Variants in ATRNL1 observed in about 807,000 individuals in gnomAD.
ATRNL1 encodes the protein attractin like 1, also known as attractin-like protein 1.
In ATRNL1, 95 loss-of-function variants were observed where a neutral mutation model predicts 182.7. That is an observed-to-expected ratio of 0.52 (90% CI 0.44 to 0.62). ATRNL1 has a LOEUF of 0.62. Among genes scored for constraint, ATRNL1 ranks in the 20% least tolerant of loss-of-function variants. The pLI, the probability that ATRNL1 is intolerant of heterozygous loss-of-function variation, is 0.00. For missense variants in ATRNL1, 1,471 were observed against 1,679.5 expected, an observed-to-expected ratio of 0.88 and a Z score of 2.17; for synonymous variants, 576 against 568.3, an observed-to-expected ratio of 1.01 and a Z score of -0.19.
At chr10:115,229,869 A>G (rs1183190606) in intron 9 of ATRNL1, among the ~76,000 whole-genome samples, 1 of 152,014 alleles carries the variant, frequency 6.6e-6, no homozygotes, top group Non-Finnish European at 1.5e-5. Flanking sequence ...AAAAGACTGT[A>G]TGATAGTATG....
intron 5 of ATRNL1, among the ~76,000 whole-genome samples, chr10:115,158,718 G>C (rs1188241603): frequency 6.6e-6 from 1 of 151,808 alleles, no homozygotes; most frequent in Non-Finnish European, 1.5e-5. Flanking sequence ...GACTCTGCTT[G>C]GGAGTTTTAA....
chr10:115,906,553 G>A (rs958204530), intron 28 of ATRNL1, among the ~76,000 whole-genome samples: 1 of 152,050 alleles, frequency 6.6e-6, no homozygotes, highest in Non-Finnish European at 1.5e-5. Context: ...AGACAAAATA[G>A]GCATTTAGTA....
intron 26 of ATRNL1, among the ~76,000 whole-genome samples, chr10:115,695,061 T>G (rs1555049345): frequency 6.6e-6 from 1 of 152,026 alleles, no homozygotes; most frequent in African/African-American, 2.4e-5. Context: ...AGGAATACTG[T>G]TTTTCATAAA....
intron 10 of ATRNL1, among the ~76,000 whole-genome samples, chr10:115,255,418 T>C (rs193053949): frequency 6.6e-6 from 1 of 152,202 alleles, no homozygotes; most frequent in Admixed American, 6.5e-5. Flanking sequence ...GGGAGTTCAC[T>C]CATGATTTGA....
rs112822316 is a variant in ATRNL1 at position 115,595,994 on chromosome 10, G to A, written c.3795+46458G>A. On this transcript the variant is annotated intron_variant, in intron 26 of 28. Coordinates refer to ENST00000355044, the MANE Select transcript of ATRNL1 (RefSeq NM_207303.4). ...TTTGTTCCAAGTTTTCATCTCTGTGGTTTTGTAACTAGAAAACAGGTATGA... is the reference window on the plus strand; with the variant it reads ...TTTGTTCCAAGTTTTCATCTCTGTGATTTTGTAACTAGAAAACAGGTATGA... 8.5e-3 allele frequency among the ~76,000 whole-genome samples: 1,292 copies of A among 152,144 alleles called. 7 individuals carry two copies. Among genetic ancestry groups the A allele is most frequent in the Non-Finnish European group, 0.015 (1,029 of 67,996 alleles).
chr10:115,659,747 AG>A (rs782809191), intron 26 of ATRNL1, among the ~76,000 whole-genome samples: 4 of 152,146 alleles, frequency 2.6e-5, no homozygotes, highest in Non-Finnish European at 5.9e-5. Flanking sequence ...ATCCAAGCTG[AG>A]ACCAGAAAAG....
chr10:115,627,630 T>C (rs781821718), intron 26 of ATRNL1, among the ~76,000 whole-genome samples: 10 of 152,138 alleles, frequency 6.6e-5, no homozygotes, highest in Admixed American at 1.3e-4. Context: ...CCTCCCAAAG[T>C]GTTGGGATTC....
chr10:115,902,870 A>T (rs1470237121), intron 28 of ATRNL1, among the ~76,000 whole-genome samples: 2 of 152,176 alleles, frequency 1.3e-5, no homozygotes, highest in African/African-American at 4.8e-5. Context: ...CTGGAGGCAG[A>T]GGTGAGAGTA....
chr10:115,512,539 CATTT>C (rs1554982893), intron 24 of ATRNL1, among the ~76,000 whole-genome samples: 2 of 151,158 alleles, frequency 1.3e-5, no homozygotes, highest in South Asian at 4.2e-4. Flanking sequence ...AAATTACATT[CATTT>C]ATTTATAATA....
chr10:115,179,730 G>A (rs11197103), intron 8 of ATRNL1, among the ~76,000 whole-genome samples: 32,057 of 151,938 alleles, frequency 0.21, 4,326 homozygotes, highest in Non-Finnish European at 0.3. Context: ...CTTTATTAGT[G>A]GATAAAAATG....
intron 25 of ATRNL1, among the ~76,000 whole-genome samples, chr10:115,532,875 G>C (rs1487506474): frequency 3.3e-5 from 5 of 152,222 alleles, no homozygotes; most frequent in South Asian, 2.1e-4. Context: ...ATATAATCAT[G>C]TGGTTTTTGT....
intron 9 of ATRNL1, among the ~76,000 whole-genome samples, chr10:115,239,189 C>CTTGT (rs10627887): frequency 0.32 from 48,550 of 151,516 alleles, 8,039 homozygotes; most frequent in African/African-American, 0.39. Flanking sequence ...ATAGTATTTT[C>CTTGT]TTGTTTTGTA....
intron 8 of ATRNL1, among the ~76,000 whole-genome samples, chr10:115,176,225 G>C (rs1254499218): frequency 6.6e-6 from 1 of 152,098 alleles, no homozygotes; most frequent in Non-Finnish European, 1.5e-5. Context: ...CAGATGAGTA[G>C]ATTGCAAAAA....
At chr10:115,254,104 A>C (rs1851008224) in intron 10 of ATRNL1, among the ~76,000 whole-genome samples, 1 of 152,168 alleles carries the variant, frequency 6.6e-6, no homozygotes, top group Non-Finnish European at 1.5e-5. Flanking sequence ...ATATGTGTGC[A>C]TGTGTCTTTA....
At chr10:115,941,031 A>G (rs190662172) in intron 28 of ATRNL1, among the ~76,000 whole-genome samples, 286 of 152,294 alleles carry the variant, frequency 1.9e-3, no homozygotes, top group African/African-American at 6.6e-3. Context: ...CAAATGAAAC[A>G]TTGTTTGGCC....
At position 115,281,446 on chromosome 10, in the gene ATRNL1, G is replaced by A; in HGVS notation, c.2192G>A (p.Cys731Tyr). 6.2e-7 allele frequency: 1 copy of A among 1,613,480 alleles called. No individual in the cohort carries two copies. The highest frequency in any genetic ancestry group is 2.2e-5 in the East Asian group (1 of 44,778). The change falls in exon 14 of 29, where the codon TGC becomes TAC. Residue 731 changes from cysteine (C) to tyrosine (Y), a missense_variant. Physicochemically the swap from Cys to Tyr is radical, Grantham distance 194. Transcript: ENST00000355044. ...AAAAGCTGTTCACTAAACTTGAATT[G>A]CCAGTGGGATCAGAGACAGCAAGAA... ...SCKSCSLNLN[C>Y]QWDQRQQECQ...
At chr10:115,372,329 G>A (rs1857438876) in intron 19 of ATRNL1, among the ~76,000 whole-genome samples, 1 of 152,080 alleles carries the variant, frequency 6.6e-6, no homozygotes, top group Non-Finnish European at 1.5e-5. Flanking sequence ...TCTTCACTGT[G>A]TGGATTGCTT....
At chr10:115,716,466 C>T (rs550883114) in intron 26 of ATRNL1, among the ~76,000 whole-genome samples, 5 of 152,248 alleles carry the variant, frequency 3.3e-5, no homozygotes, top group African/African-American at 4.8e-5. Context: ...ATGTTCAACA[C>T]GAACTCCTTA....
intron 19 of ATRNL1, among the ~76,000 whole-genome samples, chr10:115,343,784 C>A (rs1327507735): frequency 6.6e-6 from 1 of 152,056 alleles, no homozygotes; most frequent in East Asian, 1.9e-4. Flanking sequence ...GGAAGACTTT[C>A]TAGATGTTTG....
Sources: allele counts gnomAD v4.1 joint callset (sites outside exome capture counted in the v4.1 genomes callset), GRCh38; gene constraint gnomAD v4.1.1; transcripts MANE v1.5; gene names NCBI Gene and HGNC (gene_info 2026-07-23, HGNC 2026-07-21).